Variants in GRM4 observed in about 807,000 individuals in gnomAD.
The protein encoded by GRM4 is glutamate metabotropic receptor 4, also known as metabotropic glutamate receptor 4.
In GRM4, 28 loss-of-function variants were observed where a neutral mutation model predicts 81.7. The ratio of observed to expected loss-of-function variants is 0.34; its 90% CI spans 0.25 to 0.47. The LOEUF (loss-of-function observed/expected upper bound fraction) is 0.47, where lower values mean the gene tolerates loss of function less well. GRM4 is among the 20% of genes least tolerant of loss of function. The pLI is 1.00. For missense variants in GRM4, 948 were observed against 1,290.0 expected (o/e 0.73, Z 4.06); for synonymous variants, 488 against 528.8 (o/e 0.92, Z 1.06).
rs932966781 is a variant in GRM4 at position 34,133,364 on chromosome 6, T to C, written c.133A>G (p.Ile45Val). Residue 45 changes from isoleucine to valine, a missense_variant, in exon 2 of 11, where the codon ATA (isoleucine) becomes GTA (valine). By Grantham distance (29) the Ile-to-Val change is conservative. Transcript: ENST00000538487. This position sits in a 1 kb window ranked among gnomAD's most constrained non-coding sequence, Gnocchi z 6.5. Reference sequence around the variant, plus strand: ...CCTCCCAGTGTGATGTCCCCATCTATGCGGATGGAATTCATGTGAGGGTGG... The same window carrying C: ...CCTCCCAGTGTGATGTCCCCATCTACGCGGATGGAATTCATGTGAGGGTGG... ...KGHPHMNSIR[I>V]DGDITLGGLF... The C allele has an allele frequency of 1.9e-6, 3 of 1,614,038 alleles. No individual in the cohort carries two copies. The highest frequency in any genetic ancestry group is 4.5e-5 in the East Asian group (2 of 44,886).
rs1023107120 is a variant in GRM4 at position 34,152,586 on chromosome 6, C to T, written c.312+2493G>A. On this transcript the variant is annotated intron_variant, in intron 1 of 8. Coordinates refer to the GRM4 transcript ENST00000374177. This position sits in a 1 kb window ranked among gnomAD's most constrained non-coding sequence, Gnocchi z 4.1. ...CTTCCTGTACCCACCTCCCAGCAACCGACCCATCACCTAGACCCCCCAAAG... is the reference window on the plus strand; with the variant it reads ...CTTCCTGTACCCACCTCCCAGCAACTGACCCATCACCTAGACCCCCCAAAG... Among the ~76,000 whole-genome samples the T allele has an allele frequency of 1.3e-5, 2 of 152,106 alleles. No individual in the cohort carries two copies. Among genetic ancestry groups the T allele is most frequent in the Non-Finnish European group, 2.9e-5 (2 of 68,028 alleles).
At chr6:34,045,990 G>A (rs566809791) in intron 6 of GRM4, among the ~76,000 whole-genome samples, 83 of 152,328 alleles carry the variant, frequency 5.4e-4, no homozygotes, top group Admixed American at 1.6e-3. Flanking sequence ...TGGTTACTAC[G>A]GCGACTGCAG....
intron 1 of GRM4, among the ~76,000 whole-genome samples, chr6:34,140,895 T>C (rs915591333): frequency 2.0e-4 from 30 of 152,240 alleles, no homozygotes; most frequent in African/African-American, 6.8e-4. Context: ...ACATCCAAAC[T>C]GCACCGCATG....
rs59527517 is a variant in GRM4 at position 34,069,209 on chromosome 6, C to CACACACACACACACACACAT, written c.737-7182_737-7181insATGTGTGTGTGTGTGTGTGT. On this transcript the variant is annotated intron_variant, in intron 3 of 10. Transcript: ENST00000538487. The surrounding 1 kb of genome is among the most constrained non-coding windows in gnomAD (Gnocchi z 6.4). ...ACACACACACACACACACACACGCA[C>CACACACACACACACACACAT]GCACACACGGCTCCTTCCTTCTGAC... Among the ~76,000 whole-genome samples the CACACACACACACACACACAT allele has an allele frequency of 6.6e-5, 10 of 151,460 alleles. No individual in the cohort carries two copies. The highest frequency in any genetic ancestry group is 2.2e-4 in the African/African-American group (9 of 40,950).
At chr6:34,137,547 C>T (rs1353154254) in intron 1 of GRM4, among the ~76,000 whole-genome samples, 1 of 151,932 alleles carries the variant, frequency 6.6e-6, no homozygotes, top group African/African-American at 2.4e-5. Context: ...TGTGCAGGAA[C>T]TCCAGGAACC....
chr6:34,091,876 G>C lies in GRM4; in HGVS notation c.736+7C>G. ...GGCATGACTCTGCGGCCAGGCGTTT[G>C]ACTCACCGTCCTCACGGGACTTCTG... is the stretch of plus-strand genomic sequence containing the variant. On this transcript the variant is annotated splice_region_variant and intron_variant, in intron 3 of 10. Transcript: ENST00000538487. 6.2e-7 allele frequency: 1 copy of C among 1,602,902 alleles called. No individual in the cohort carries two copies. Among genetic ancestry groups the C allele is most frequent in the Admixed American group, 1.7e-5 (1 of 59,906 alleles).
intron 9 of GRM4, among the ~76,000 whole-genome samples, chr6:34,030,070 C>T (rs963517192): frequency 6.6e-6 from 1 of 152,226 alleles, no homozygotes; most frequent in African/African-American, 2.4e-5. Flanking sequence ...CATGACCAGC[C>T]AGCGGGGCCG....
At chr6:34,082,655 A>G (rs1767665379) in intron 3 of GRM4, among the ~76,000 whole-genome samples, 1 of 152,228 alleles carries the variant, frequency 6.6e-6, no homozygotes, top group Non-Finnish European at 1.5e-5. Flanking sequence ...TCTGGTTAAG[A>G]AGGAAAACAA....
chr6:34,083,118 C>T (rs1006167167), intron 3 of GRM4, among the ~76,000 whole-genome samples: 1 of 152,226 alleles, frequency 6.6e-6, no homozygotes, highest in Non-Finnish European at 1.5e-5. Flanking sequence ...TGACGTTTTC[C>T]TCCTGTCATT....
chr6:34,118,534 GT>G (rs1473339475), intron 2 of GRM4, among the ~76,000 whole-genome samples: 1 of 152,176 alleles, frequency 6.6e-6, no homozygotes, highest in Non-Finnish European at 1.5e-5. Flanking sequence ...TAAAAAAGCC[GT>G]CCTGACCGCG....
chr6:34,086,104 G>C (rs1031231716), intron 3 of GRM4, among the ~76,000 whole-genome samples: 1 of 152,244 alleles, frequency 6.6e-6, no homozygotes, highest in East Asian at 1.9e-4. Flanking sequence ...TAATGTGAGT[G>C]GGGCCAGCCC....
intron 10 of GRM4, among the ~76,000 whole-genome samples, chr6:34,023,873 T>C (rs1310923994): frequency 1.3e-5 from 2 of 152,222 alleles, no homozygotes; most frequent in East Asian, 3.9e-4. Flanking sequence ...CTAGCCAGGG[T>C]TTAGGGCCTC....
rs530738871 is a variant in GRM4 at position 34,119,958 on chromosome 6, G to A, written c.519+13020C>T. ...AGGCAACACGCACCCCAGCCCGTAC[G>A]CAGGCCTGAGTTTCTCTGGAAGGGT... On this transcript the variant is annotated intron_variant, in intron 2 of 10. Coordinates refer to ENST00000538487, the MANE Select transcript of GRM4 (RefSeq NM_000841.4). 3.0e-4 allele frequency among the ~76,000 whole-genome samples: 46 copies of A among 152,290 alleles called. 1 individual carries two copies. The highest frequency in any genetic ancestry group is 7.7e-4 in the East Asian group (4 of 5,182).
intron 6 of GRM4, chr6:34,054,882 A>G (rs1441243874): frequency 6.6e-6 from 1 of 152,084 alleles, no homozygotes; most frequent in African/African-American, 2.4e-5. Context: ...GGATGCTCTC[A>G]ATAATTACAC....
intron 1 of GRM4, among the ~76,000 whole-genome samples, chr6:34,134,559 C>A (rs1770375551): frequency 6.6e-6 from 1 of 152,022 alleles, no homozygotes. Context: ...CAAGGTGGAC[C>A]CTGTACTCTC....
intron 9 of GRM4, among the ~76,000 whole-genome samples, chr6:34,033,457 C>T (rs2127440658): frequency 6.6e-6 from 1 of 152,260 alleles, no homozygotes; most frequent in African/African-American, 2.4e-5. Context: ...TCCAGCTGTG[C>T]CACCAAGGCA....
At position 34,020,243 on chromosome 6, in the gene GRM4, G is replaced by A. The variant is rs1392900262; in HGVS notation, c.*2578C>T. On this transcript the variant is annotated 3_prime_UTR_variant, in exon 11 of 11. Coordinates refer to ENST00000538487, the MANE Select transcript of GRM4 (RefSeq NM_000841.4). ...CTGGTAGTCCCTGAGGGCCCCTCCT[G>A]AGAGCCAAGGGGAGCCGAGGGGCAG... is the stretch of plus-strand genomic sequence containing the variant. 6.6e-6 allele frequency: 1 copy of A among 152,256 alleles called. No individual in the cohort carries two copies. The highest frequency in any genetic ancestry group is 2.4e-5 in the African/African-American group (1 of 41,438). The allele number at this position is 152,256 out of a possible 1,614,324, so 9.4% of individuals were successfully genotyped here. A position where few individuals can be genotyped will look rare whatever the true frequency, so the allele number is the denominator to read the frequency against.
rs1766362056 is a variant in GRM4 at position 34,064,716 on chromosome 6, C to G, written c.737-2688G>C. Among the ~76,000 whole-genome samples, 2 of 152,334 alleles carry G rather than the reference C, an allele frequency of 1.3e-5. No homozygotes were observed. Among genetic ancestry groups the G allele is most frequent in the Non-Finnish European group, 2.9e-5 (2 of 68,008 alleles). On this transcript the variant is annotated intron_variant, in intron 3 of 10. Coordinates refer to ENST00000538487, the MANE Select transcript of GRM4 (RefSeq NM_000841.4). This position sits in a 1 kb window ranked among gnomAD's most constrained non-coding sequence, Gnocchi z 4.4. ...CAAGCTCCTGGCAGTGGCACAATCT[C>G]TGCCTCAACTGCTCTCTTGGTGCCT...
At chr6:34,123,941 G>A (rs1402873628) in intron 2 of GRM4, among the ~76,000 whole-genome samples, 1 of 152,202 alleles carries the variant, frequency 6.6e-6, no homozygotes, top group East Asian at 1.9e-4. Context: ...GGGGTCCGAA[G>A]AGGCCCAGGA....
Sources: allele counts gnomAD v4.1 joint callset (sites outside exome capture counted in the v4.1 genomes callset), GRCh38; gene constraint gnomAD v4.1.1; non-coding constraint Gnocchi (gnomAD v3.1); transcripts MANE v1.5; gene names NCBI Gene and HGNC (gene_info 2026-07-23, HGNC 2026-07-21).